TMED10: variants seen among roughly 807,000 people sequenced by gnomAD.
TMED10 encodes transmembrane p24 trafficking protein 10.
TMED10 carries 7 observed loss-of-function variants against 23.1 expected under a neutral mutation model. The ratio of observed to expected loss-of-function variants is 0.30; its 90% CI spans 0.17 to 0.57. TMED10 has a LOEUF of 0.57. TMED10 is among the 20% of genes least tolerant of loss of function. The pLI, the probability that TMED10 is intolerant of heterozygous loss-of-function variation, is 0.91. For synonymous variants in TMED10, 113 were observed against 106.9 expected (o/e 1.06, Z -0.35); for missense variants, 162 against 274.8 (o/e 0.59, Z 2.90).
intron 1 of TMED10, among the ~76,000 whole-genome samples, chr14:75,175,544 G>A (rs953108543): frequency 1.2e-4 from 16 of 134,944 alleles, no homozygotes; most frequent in Middle Eastern, 4.1e-3. Context: ...TGAACAATGA[G>A]AACACTTGGA....
At chr14:75,160,631 A>T (rs1163391179) in intron 1 of TMED10, among the ~76,000 whole-genome samples, 1 of 152,214 alleles carries the variant, frequency 6.6e-6, no homozygotes, top group Non-Finnish European at 1.5e-5. Context: ...AAGTTCTTTA[A>T]TTAAACAAAG....
At chr14:75,157,360 A>C (rs1045870800) in intron 1 of TMED10, among the ~76,000 whole-genome samples, 2 of 152,216 alleles carry the variant, frequency 1.3e-5, no homozygotes, top group Non-Finnish European at 2.9e-5. Context: ...GTTAATAAAT[A>C]AATCGTGTTG....
In TMED10 at chr14:75,134,790, T is replaced by C. The variant is rs1412938860; in HGVS notation, c.*95A>G. 1 of 1,549,366 alleles carries C rather than the reference T, an allele frequency of 6.5e-7. No individual in the cohort carries two copies. Among genetic ancestry groups the C allele is most frequent in the Non-Finnish European group, 8.8e-7 (1 of 1,131,462 alleles). On this transcript the variant is annotated 3_prime_UTR_variant, in exon 5 of 5. Transcript: ENST00000303575. ...CTGGCAAGAAAGCTCCAACGTGCCT[T>C]GATGGTGCTGTTGGTAGGATGCCTT...
At chr14:75,147,183 C>CTTTTTTTTTTTT (rs1895894334) in intron 3 of TMED10, among the ~76,000 whole-genome samples, 1 of 77,804 alleles carries the variant, frequency 1.3e-5, no homozygotes. Context: ...TTCTTCAAGG[C>CTTTTTTTTTTTT]TGTTTTTTTT....
chr14:75,145,691 G>A (rs1895874501), intron 3 of TMED10, among the ~76,000 whole-genome samples: 1 of 152,154 alleles, frequency 6.6e-6, no homozygotes, highest in South Asian at 2.1e-4. Flanking sequence ...GGAGGCTGAG[G>A]CAGGAGAATG....
intron 1 of TMED10, among the ~76,000 whole-genome samples, chr14:75,163,991 A>T (rs930053267): frequency 1.6e-4 from 24 of 152,154 alleles, no homozygotes; most frequent in Non-Finnish European, 2.5e-4. Context: ...GCAGGCATTC[A>T]ATAGGTGTTA....
At position 75,134,261 on chromosome 14, in the gene TMED10, A is replaced by G. The variant is rs1360090850; in HGVS notation, c.*624T>C. The stretch of plus-strand genomic sequence containing the variant: ...GAAAAAAGTTCAAGCAGTTGAGCAC[A>G]AATATTTTAATTGTCTAAAATGACA... On this transcript the variant is annotated 3_prime_UTR_variant, in exon 5 of 5. Coordinates refer to ENST00000303575, the MANE Select transcript of TMED10 (RefSeq NM_006827.6). The G allele has an allele frequency of 1.3e-5, 2 of 154,056 alleles. No individual in the cohort carries two copies. Among genetic ancestry groups the G allele is most frequent in the African/African-American group, 4.8e-5 (2 of 41,466 alleles). The allele number at this position is 154,056 out of a possible 1,614,324, so 9.5% of individuals were successfully genotyped here.
chr14:75,140,342 G>A (rs175438), intron 3 of TMED10, among the ~76,000 whole-genome samples: 64,895 of 151,444 alleles, frequency 0.43, 14,344 homozygotes, highest in Middle Eastern at 0.53. Context: ...CTCATGATCC[G>A]CCCTCCTCGG....
intron 3 of TMED10, among the ~76,000 whole-genome samples, chr14:75,136,457 C>A (rs1895751087): frequency 6.6e-6 from 1 of 152,218 alleles, no homozygotes; most frequent in Non-Finnish European, 1.5e-5. Flanking sequence ...CCATGCCCAG[C>A]TGATTTTTGA....
At chr14:75,166,418 C>T (rs183895195) in intron 1 of TMED10, among the ~76,000 whole-genome samples, 1 of 152,280 alleles carries the variant, frequency 6.6e-6, no homozygotes, top group East Asian at 1.9e-4. Context: ...GCAATTCACA[C>T]AAGAAACAGC....
At chr14:75,147,804 C>CGCCT (rs1895906836) in intron 2 of TMED10, 67 bp from the exon 3 acceptor site, 15 of 1,355,244 alleles carry the variant, frequency 1.1e-5, no homozygotes, top group Non-Finnish European at 1.4e-5. Context: ...CCCACCCACC[C>CGCCT]GCCCGCCCTC....
intron 3 of TMED10, chr14:75,136,994 C>T (rs964456873): frequency 7.9e-5 from 12 of 151,774 alleles, no homozygotes; most frequent in African/African-American, 2.7e-4. Context: ...AAATGAGATA[C>T]ACCACCAGAG....
intron 4 of TMED10, 99 bp from the exon 5 acceptor site, chr14:75,135,105 A>G (rs1895732498): frequency 6.9e-7 from 1 of 1,451,420 alleles, no homozygotes; most frequent in East Asian, 2.3e-5. Flanking sequence ...AATTAACTTC[A>G]CTCTGTCCCT....
intron 3 of TMED10, among the ~76,000 whole-genome samples, chr14:75,140,622 C>A (rs888569364): frequency 6.6e-6 from 1 of 152,140 alleles, no homozygotes; most frequent in African/African-American, 2.4e-5. Flanking sequence ...GCACGAGAAT[C>A]CTTTGAACCT....
chr14:75,136,325 A>T (rs28505815), intron 3 of TMED10, among the ~76,000 whole-genome samples: 2 of 152,036 alleles, frequency 1.3e-5, no homozygotes, highest in Non-Finnish European at 2.9e-5. Flanking sequence ...CACCCAGCTA[A>T]TTTTTATACT....
At chr14:75,139,490 G>A (rs1440547450) in intron 3 of TMED10, among the ~76,000 whole-genome samples, 2 of 151,996 alleles carry the variant, frequency 1.3e-5, no homozygotes, top group East Asian at 3.8e-4. Context: ...CTCTGCTGAG[G>A]CCAAGCGTGG....
intron 1 of TMED10, among the ~76,000 whole-genome samples, chr14:75,159,606 A>G (rs1376750623): frequency 6.6e-6 from 1 of 152,116 alleles, no homozygotes; most frequent in Admixed American, 6.5e-5. Flanking sequence ...ACTTTTTTTT[A>G]TTTTAACTTA....
At chr14:75,139,276 C>A in intron 3 of TMED10, 1 of 367,232 alleles carries the variant, frequency 2.7e-6, no homozygotes, top group Non-Finnish European at 5.3e-6. Context: ...TAAGATCTTT[C>A]CAAAAATGTC....
chr14:75,169,108 G>A (rs1002314518), intron 1 of TMED10, among the ~76,000 whole-genome samples: 6 of 152,176 alleles, frequency 3.9e-5, no homozygotes, highest in Admixed American at 6.6e-5. Flanking sequence ...GTGCTTGCTC[G>A]TCTGTTCACT....
Sources: allele counts gnomAD v4.1 joint callset (sites outside exome capture counted in the v4.1 genomes callset), GRCh38; gene constraint gnomAD v4.1.1; transcripts MANE v1.5; gene names NCBI Gene and HGNC (gene_info 2026-07-23, HGNC 2026-07-21).